PARD3: variants seen among roughly 807,000 people sequenced by gnomAD.
PARD3 encodes the protein partitioning defective 3 homolog.
In PARD3, 75 loss-of-function variants were observed where a neutral mutation model predicts 155.4. The ratio of observed to expected loss-of-function variants is 0.48; its 90% CI spans 0.40 to 0.58. PARD3 has a LOEUF of 0.58. Among genes scored for constraint, PARD3 ranks in the 20% least tolerant of loss-of-function variants. The pLI is 0.00. For synonymous variants in PARD3, 576 were observed against 610.5 expected, an observed-to-expected ratio of 0.94 and a Z score of 0.83; for missense variants, 1,642 against 1,721.7, an observed-to-expected ratio of 0.95 and a Z score of 0.82.
chr10:34,771,252 T>A (rs9418118), intron 1 of PARD3, among the ~76,000 whole-genome samples: 1 of 152,182 alleles, frequency 6.6e-6, no homozygotes, highest in African/African-American at 2.4e-5. Flanking sequence ...AATGGTTACA[T>A]CAGGAAGAAA....
intron 4 of PARD3, among the ~76,000 whole-genome samples, chr10:34,462,249 A>G (rs952131808): frequency 6.6e-6 from 1 of 152,220 alleles, no homozygotes; most frequent in Non-Finnish European, 1.5e-5. Context: ...CACAGAGGAC[A>G]TGTGATTCTA....
At chr10:34,665,910 A>C (rs80274764) in intron 2 of PARD3, among the ~76,000 whole-genome samples, 1 of 90,738 alleles carries the variant, frequency 1.1e-5, no homozygotes, top group African/African-American at 4.1e-5. Flanking sequence ...CAGAACAAAA[A>C]GAAAAGAAAA....
intron 22 of PARD3, among the ~76,000 whole-genome samples, chr10:34,225,145 A>G (rs1450395358): frequency 6.6e-6 from 1 of 152,238 alleles, no homozygotes; most frequent in African/African-American, 2.4e-5. Flanking sequence ...ATATTCCAGT[A>G]GGGAACACAG....
chr10:34,559,533 GA>G (rs1424355009), intron 2 of PARD3, among the ~76,000 whole-genome samples: 1 of 151,772 alleles, frequency 6.6e-6, no homozygotes, highest in Non-Finnish European at 1.5e-5. Context: ...ACTGAGATGT[GA>G]ATTCTACCTG....
chr10:34,532,346 G>C (rs2082918159), intron 2 of PARD3, among the ~76,000 whole-genome samples: 1 of 151,928 alleles, frequency 6.6e-6, no homozygotes, highest in South Asian at 2.1e-4. Context: ...CCATGCATAT[G>C]TACACCCAAG....
At chr10:34,629,691 G>GT (rs1453069419) in intron 2 of PARD3, among the ~76,000 whole-genome samples, 1 of 152,144 alleles carries the variant, frequency 6.6e-6, no homozygotes, top group Middle Eastern at 3.2e-3. Context: ...TGGCTAAAAT[G>GT]TTTGAGATAA....
chr10:34,262,689 T>A (rs1052239740), intron 22 of PARD3, among the ~76,000 whole-genome samples: 5 of 152,110 alleles, frequency 3.3e-5, no homozygotes, highest in African/African-American at 1.2e-4. Flanking sequence ...TTCCATGGAG[T>A]ATTGCAAACT....
chr10:34,245,679 G>T (rs1019608191), intron 22 of PARD3, among the ~76,000 whole-genome samples: 1 of 152,210 alleles, frequency 6.6e-6, no homozygotes, highest in Non-Finnish European at 1.5e-5. Context: ...TAACACTCCG[G>T]AACTAGGTAT....
intron 1 of PARD3, among the ~76,000 whole-genome samples, chr10:34,808,218 G>A (rs1843644413): frequency 6.6e-6 from 1 of 152,128 alleles, no homozygotes; most frequent in African/African-American, 2.4e-5. Context: ...GGGGACTGAG[G>A]CAGGAGGATC....
At chr10:34,456,925 T>C (rs2077370345) in intron 4 of PARD3, among the ~76,000 whole-genome samples, 1 of 152,174 alleles carries the variant, frequency 6.6e-6, no homozygotes, top group Non-Finnish European at 1.5e-5. Flanking sequence ...ATTCTGAATA[T>C]GCCAAAAAAT....
At chr10:34,177,234 GCCCAGCAGA>G (rs1950070808) in intron 22 of PARD3, among the ~76,000 whole-genome samples, 1 of 152,118 alleles carries the variant, frequency 6.6e-6, no homozygotes, top group Non-Finnish European at 1.5e-5. Context: ...TTTCACCATA[GCCCAGCAGA>G]TGTGGAAGGT....
At chr10:34,302,751 T>C (rs1299387620) in intron 20 of PARD3, among the ~76,000 whole-genome samples, 1 of 152,190 alleles carries the variant, frequency 6.6e-6, no homozygotes, top group African/African-American at 2.4e-5. Context: ...CCCCTTTGAG[T>C]TCAGAGAAAG....
chr10:34,798,144 A>G (rs1842482030), intron 1 of PARD3, among the ~76,000 whole-genome samples: 1 of 145,484 alleles, frequency 6.9e-6, no homozygotes, highest in African/African-American at 2.7e-5. Flanking sequence ...ACTTAGCAAG[A>G]ACCCATCTCT....
intron 3 of PARD3, among the ~76,000 whole-genome samples, chr10:34,483,029 GC>G (rs2079192046): frequency 6.6e-6 from 1 of 151,842 alleles, no homozygotes; most frequent in African/African-American, 2.4e-5. Flanking sequence ...GGTGGTGCAT[GC>G]CTGTAATCCC....
At chr10:34,519,506 A>G (rs1264239156) in intron 2 of PARD3, among the ~76,000 whole-genome samples, 1 of 152,118 alleles carries the variant, frequency 6.6e-6, no homozygotes, top group African/African-American at 2.4e-5. Flanking sequence ...AAATGCTAAT[A>G]TACTTCTTAT....
rs895919359 is a variant in PARD3 at position 34,616,324 on chromosome 10, T to TA, written c.222+79993dup. ...AGGGTGAGACTCTCTCAAAAAAAATTAAAAAAAAATTAAAAAAAGCAGAAC... is the reference window on the plus strand; with the variant it reads ...AGGGTGAGACTCTCTCAAAAAAAATTAAAAAAAAAATTAAAAAAAGCAGAAC... On this transcript the variant is annotated intron_variant, in intron 2 of 24. Transcript: ENST00000374788. 5.7e-4 allele frequency among the ~76,000 whole-genome samples: 86 copies of TA among 150,572 alleles called. No individual in the cohort carries two copies. In the East Asian group the frequency reaches 0.012, roughly 20 times the overall value.
At chr10:34,274,533 T>C (rs1166148060) in intron 21 of PARD3, among the ~76,000 whole-genome samples, 1 of 152,204 alleles carries the variant, frequency 6.6e-6, no homozygotes. Context: ...CAACCCACTA[T>C]ACTATGATAT....
At chr10:34,382,113 C>T (rs980107843) in intron 9 of PARD3, among the ~76,000 whole-genome samples, 4 of 152,070 alleles carry the variant, frequency 2.6e-5, no homozygotes, top group East Asian at 1.9e-4. Context: ...CTGAGATTGA[C>T]GTGCACTACC....
intron 22 of PARD3, among the ~76,000 whole-genome samples, chr10:34,212,021 CTTTT>C (rs34135178): frequency 8.3e-5 from 11 of 132,026 alleles, no homozygotes; most frequent in Non-Finnish European, 8.0e-5. Context: ...GAGTGCTCAA[CTTTT>C]TTTTTTTTTT....
Sources: gnomAD v4.1 joint callset for allele counts (sites outside exome capture counted in the v4.1 genomes callset) on GRCh38, gnomAD v4.1.1 for gene constraint, MANE v1.5 for transcripts, NCBI Gene and HGNC (gene_info 2026-07-23, HGNC 2026-07-21) for gene names.